SMC2: variants seen among roughly 807,000 people sequenced by gnomAD.
SMC2 encodes the protein structural maintenance of chromosomes protein 2.
In SMC2, 41 loss-of-function variants were observed where a neutral mutation model predicts 142.6. The ratio of observed to expected loss-of-function variants is 0.29; its 90% CI spans 0.22 to 0.37. The LOEUF is 0.37. Among genes scored for constraint, SMC2 ranks in the 10% least tolerant of loss-of-function variants. SMC2 has a pLI of 1.00. For missense variants in SMC2, 1,265 were observed against 1,373.7 expected, an observed-to-expected ratio of 0.92 and a Z score of 1.25; for synonymous variants, 463 against 457.5, an observed-to-expected ratio of 1.01 and a Z score of -0.15.
upstream of SMC2, among the ~76,000 whole-genome samples, chr9:104,091,020 TATA>T (rs1412134188): frequency 3.3e-5 from 5 of 152,206 alleles, no homozygotes; most frequent in African/African-American, 1.2e-4. Flanking sequence ...GGTGAATGAA[TATA>T]ATAACCTCCT....
upstream of SMC2, among the ~76,000 whole-genome samples, chr9:104,090,615 A>G (rs866753007): frequency 2.6e-5 from 4 of 152,212 alleles, no homozygotes; most frequent in Non-Finnish European, 5.9e-5. Flanking sequence ...AAACTGAGAA[A>G]TTATCATTTG....
Position 104,131,898 on chromosome 9 carries a change from C to T in SMC2, c.2992-111C>T, listed in dbSNP as rs1053115762. On this transcript the variant is annotated intron_variant, in intron 21 of 24. Coordinates refer to ENST00000374793, the MANE Select transcript of SMC2 (RefSeq NM_006444.3). ...TGCATTATATCTTTTTGGTAAATAGCAATGTATGTATTGTATATAAAAATA... is the reference window on the plus strand; with the variant it reads ...TGCATTATATCTTTTTGGTAAATAGTAATGTATGTATTGTATATAAAAATA... 3 of 610,576 alleles carry T rather than the reference C, an allele frequency of 4.9e-6. No homozygotes were observed. The African/African-American group carries it at 5.6e-5, about 11-fold the overall frequency. 37.8% of individuals were successfully genotyped at this position (610,576 alleles called of 1,614,324 possible). A position where few individuals can be genotyped will look rare whatever the true frequency, so the allele number is the denominator to read the frequency against.
intron 21 of SMC2, among the ~76,000 whole-genome samples, chr9:104,131,806 T>C (rs1025410261): frequency 6.6e-6 from 1 of 152,022 alleles, no homozygotes; most frequent in African/African-American, 2.4e-5. Flanking sequence ...AGAGTGTGTA[T>C]ATGAGTGTGT....
chr9:104,101,197 A>G (rs936987210), intron 7 of SMC2, among the ~76,000 whole-genome samples: 1 of 152,196 alleles, frequency 6.6e-6, no homozygotes, highest in Non-Finnish European at 1.5e-5. Context: ...GGCCTCGCAA[A>G]GTGCTGGGAT....
chr9:104,114,748 T>G lies in SMC2; in HGVS notation c.1590T>G (p.Ile530Met), dbSNP rs771273932. Reference sequence around the variant, plus strand: ...TGAAAGGACTTGTGGCTTCTCTGATTAGTGTGAAAGACACTTCTGCAACCA... The same window carrying G: ...TGAAAGGACTTGTGGCTTCTCTGATGAGTGTGAAAGACACTTCTGCAACCA... Reference protein sequence around the residue: ...NCVKGLVASLISVKDTSATTA... With the variant: ...NCVKGLVASLMSVKDTSATTA... Residue 530 changes from isoleucine (I) to methionine (M), a missense_variant, in exon 13 of 25, where the codon ATT becomes ATG. Physicochemically the swap from Ile to Met is conservative, Grantham distance 10 (BLOSUM62 1). Transcript: ENST00000374793. The G allele has an allele frequency of 5.6e-6, 9 of 1,613,120 alleles. No homozygotes were observed. Among genetic ancestry groups the G allele is most frequent in the African/African-American group, 1.3e-5 (1 of 75,038 alleles).
intron 18 of SMC2, 79 bp downstream of exon 18, chr9:104,125,184 C>A: frequency 9.9e-7 from 1 of 1,007,934 alleles, no homozygotes; most frequent in South Asian, 1.8e-5. Flanking sequence ...CATTGGTTGA[C>A]CTTATTCATC....
At chr9:104,122,683 A>C (rs368639901) in intron 16 of SMC2, among the ~76,000 whole-genome samples, 4 of 152,252 alleles carry the variant, frequency 2.6e-5, no homozygotes, top group African/African-American at 9.6e-5. Context: ...AAAGTAGGGA[A>C]CATTATTATT....
chr9:104,096,571 G>A (rs983844109), intron 3 of SMC2, among the ~76,000 whole-genome samples: 1 of 152,216 alleles, frequency 6.6e-6, no homozygotes, highest in Non-Finnish European at 1.5e-5. Flanking sequence ...TTCTTTGGTT[G>A]TTCTTGAACA....
Position 104,102,149 on chromosome 9 carries a change from G to T in SMC2, c.826G>T (p.Ala276Ser). ...ELSENDKKIK[A>S]LNHEIEELEK... Reference sequence around the variant, plus strand: ...GTCTGAGAATGATAAAAAAATAAAAGCACTTAATCATGAAATAGAAGAATT... The same window carrying T: ...GTCTGAGAATGATAAAAAAATAAAATCACTTAATCATGAAATAGAAGAATT... The change falls in exon 8 of 25, where the codon GCA becomes TCA. Residue 276 changes from alanine to serine, a missense_variant. Transcript: ENST00000374793. The T allele has an allele frequency of 6.3e-7, 1 of 1,579,764 alleles. No individual in the cohort carries two copies. The highest frequency in any genetic ancestry group is 8.7e-7 in the Non-Finnish European group (1 of 1,152,878).
Position 104,102,418 on chromosome 9 carries a change from T to C in SMC2, c.871-6T>C. On this transcript the variant is annotated splice_polypyrimidine_tract_variant and splice_region_variant and intron_variant, in intron 8 of 24. Transcript: ENST00000374793. ...AAGTGATTGAATTGACTGCATTTTGTTATAGGAAACTGGAGGTATACTTCG... is the reference window on the plus strand; with the variant it reads ...AAGTGATTGAATTGACTGCATTTTGCTATAGGAAACTGGAGGTATACTTCG... 6.3e-7 allele frequency: 1 copy of C among 1,590,582 alleles called. No individual in the cohort carries two copies. The highest frequency in any genetic ancestry group is 8.5e-7 in the Non-Finnish European group (1 of 1,171,720).
chr9:104,122,305 A>G (rs1035816722), intron 16 of SMC2, among the ~76,000 whole-genome samples: 3 of 152,222 alleles, frequency 2.0e-5, no homozygotes, highest in African/African-American at 7.2e-5. Context: ...AGAATCAGCT[A>G]AAGCCATTGT....
intron 9 of SMC2, among the ~76,000 whole-genome samples, chr9:104,103,854 G>A (rs1462059434): frequency 6.6e-6 from 1 of 152,102 alleles, no homozygotes; most frequent in Non-Finnish European, 1.5e-5. Flanking sequence ...ATTTTGAAGC[G>A]ATATGAACGT....
chr9:104,127,315 G>T lies in SMC2; in HGVS notation c.2625G>T (p.Val875=), dbSNP rs147970243. The T allele has an allele frequency of 3.1e-6, 5 of 1,593,878 alleles. No homozygotes were observed. The highest frequency in any genetic ancestry group is 4.3e-6 in the Non-Finnish European group (5 of 1,169,500). ...CAGTAAATAAAGCTCAAGAAGAGGT[G>T]ACCAAGCAAAAAGAGGTGATAACAG... ...KESVNKAQEE[V]TKQKEVITAQ... The change falls in exon 20 of 25, where the codon GTG becomes GTT. Residue 875 remains valine (V), a synonymous_variant. Transcript: ENST00000374793.
intron 3 of SMC2, among the ~76,000 whole-genome samples, chr9:104,097,148 G>A (rs1333323813): frequency 8.1e-6 from 1 of 123,490 alleles, no homozygotes; most frequent in African/African-American, 3.0e-5. Context: ...TTTTTCCTGA[G>A]ACGGAGTCTC....
rs1322303744 is a variant in SMC2, at chr9:104,096,308, A to G, written c.318+11A>G. ...ACAGTAACAAGGCAGGTGAGTGGCA[A>G]TTAAACCTTTGGGTATCTTAAGACC... is the stretch of plus-strand genomic sequence containing the variant. On this transcript the variant is annotated intron_variant, in intron 3 of 24. Transcript: ENST00000374793. 4.3e-6 allele frequency: 7 copies of G among 1,613,146 alleles called. No individual in the cohort carries two copies. Among genetic ancestry groups the G allele is most frequent in the Admixed American group, 1.7e-5 (1 of 59,866 alleles).
chr9:104,110,960 C>T (rs1424384162), intron 9 of SMC2, among the ~76,000 whole-genome samples: 1 of 152,118 alleles, frequency 6.6e-6, no homozygotes, highest in Non-Finnish European at 1.5e-5. Flanking sequence ...AGAATAGGGC[C>T]TACTATATAG....
rs1417926756 is a variant in SMC2, at chr9:104,116,561, CAAT to C, written c.1791+243_1791+245del. ...TTTTAACCTTAAGTCACATGACTAT[CAAT>C]CAGGTGATGGTGAAAATTACACTCT... On this transcript the variant is annotated intron_variant, in intron 14 of 24. Transcript: ENST00000374793. 1.1e-4 allele frequency among the ~76,000 whole-genome samples: 3 copies of C among 28,352 alleles called. No homozygotes were observed. In the African/African-American group the frequency reaches 1.1e-3, roughly 11 times the overall value. 18.6% of individuals were successfully genotyped at this position (28,352 alleles called of 152,430 possible). A position where few individuals can be genotyped will look rare whatever the true frequency, so the allele number is the denominator to read the frequency against.
chr9:104,124,334 C>T (rs905441481), intron 17 of SMC2, among the ~76,000 whole-genome samples: 2 of 152,140 alleles, frequency 1.3e-5, no homozygotes, highest in Admixed American at 6.6e-5. Flanking sequence ...ATCTGCCTGC[C>T]TTGGCTTCCC....
chr9:104,093,032 C>T (rs1307491888), upstream of SMC2: 1 of 152,152 alleles, frequency 6.6e-6, no homozygotes, highest in Non-Finnish European at 1.5e-5. Flanking sequence ...AGAGAAAGCA[C>T]CCCTCCCTAG....
Sources: allele counts gnomAD v4.1 joint callset (sites outside exome capture counted in the v4.1 genomes callset), GRCh38; gene constraint gnomAD v4.1.1; transcripts MANE v1.5; gene names NCBI Gene and HGNC (gene_info 2026-07-23, HGNC 2026-07-21).